Variants in CADM2 observed in about 807,000 individuals in gnomAD.
CADM2 encodes cell adhesion molecule 2, also known as immunoglobulin superfamily member 4D.
In CADM2, 12 loss-of-function variants were observed where a neutral mutation model predicts 49.8. The ratio of observed to expected loss-of-function variants is 0.24; its 90% confidence interval spans 0.15 to 0.39. The LOEUF (loss-of-function observed/expected upper bound fraction) is 0.39. Ranked by LOEUF, CADM2 falls within the 10% of genes least tolerant of loss-of-function variation. CADM2 has a pLI of 1.00. For synonymous variants in CADM2, 214 were observed against 175.4 expected, an observed-to-expected ratio of 1.22 and a Z score of -1.74; for missense variants, 378 against 492.3, an observed-to-expected ratio of 0.77 and a Z score of 2.20.
At chr3:85,721,751 C>G (rs972618601) in intron 1 of CADM2, among the ~76,000 whole-genome samples, 1 of 152,218 alleles carries the variant, frequency 6.6e-6, no homozygotes, top group African/African-American at 2.4e-5. Flanking sequence ...GAATGGGGTG[C>G]TCCCAGGTCT....
intron 8 of CADM2, among the ~76,000 whole-genome samples, chr3:86,057,867 A>T (rs1238163702): frequency 1.3e-5 from 2 of 152,288 alleles, no homozygotes; most frequent in East Asian, 1.9e-4. Context: ...GTGGAAAAAT[A>T]AAATGCTATA....
Position 85,361,145 on chromosome 3 carries a change from A to T in CADM2, c.62-365377A>T, listed in dbSNP as rs561197009. Among the ~76,000 whole-genome samples, 4 of 152,282 alleles carry T rather than the reference A, an allele frequency of 2.6e-5. No individual in the cohort carries two copies. In the East Asian group the frequency reaches 7.7e-4, roughly 29 times the overall value. ...CTCAAAGATAAACTTAGACACATTA[A>T]AATTTTAAAGGGTTTATTTGAGCAT... is the stretch of plus-strand genomic sequence containing the variant. On this transcript the variant is annotated intron_variant, in intron 1 of 9. Transcript: ENST00000383699.
intron 1 of CADM2, among the ~76,000 whole-genome samples, chr3:85,430,676 C>T (rs906859533): frequency 9.0e-6 from 1 of 111,610 alleles, no homozygotes; most frequent in East Asian, 2.3e-4. Context: ...AGGAGAAAGA[C>T]AGAGAAAAGA....
chr3:84,977,631 T>A (rs1485940680), intron 1 of CADM2, among the ~76,000 whole-genome samples: 1 of 152,040 alleles, frequency 6.6e-6, no homozygotes, highest in Non-Finnish European at 1.5e-5. Context: ...TCTCAGATAC[T>A]CCTCTTATTA....
At chr3:85,731,927 C>CT (rs1367155809) in intron 2 of CADM2, among the ~76,000 whole-genome samples, 3 of 151,544 alleles carry the variant, frequency 2.0e-5, no homozygotes, top group African/African-American at 4.9e-5. Flanking sequence ...CACTTAACTA[C>CT]TTTTTTAAAG....
At chr3:85,002,683 T>C (rs1361932260) in intron 1 of CADM2, among the ~76,000 whole-genome samples, 2 of 152,210 alleles carry the variant, frequency 1.3e-5, no homozygotes, top group African/African-American at 2.4e-5. Context: ...CATTTGTTAA[T>C]CTGGGTAGCT....
intron 8 of CADM2, among the ~76,000 whole-genome samples, chr3:86,038,337 G>A (rs968088225): frequency 5.3e-5 from 8 of 152,156 alleles, no homozygotes; most frequent in Non-Finnish European, 7.4e-5. Context: ...AGAAGTTATT[G>A]GAGAGAATCC....
At chr3:85,608,479 A>T (rs1559940428) in intron 1 of CADM2, among the ~76,000 whole-genome samples, 1 of 152,164 alleles carries the variant, frequency 6.6e-6, no homozygotes, top group Non-Finnish European at 1.5e-5. Context: ...GAACCATATT[A>T]CCTGGCTTTT....
At chr3:85,087,805 T>C (rs999743229) in intron 1 of CADM2, among the ~76,000 whole-genome samples, 14 of 152,182 alleles carry the variant, frequency 9.2e-5, no homozygotes, top group Non-Finnish European at 1.9e-4. Flanking sequence ...CCTCCTCATA[T>C]ATTCTTACAC....
intron 1 of CADM2, among the ~76,000 whole-genome samples, chr3:85,393,086 C>A (rs2034597023): frequency 2.2e-5 from 1 of 45,458 alleles, no homozygotes; most frequent in Non-Finnish European, 4.5e-5. Context: ...AAAGTAAACT[C>A]TTTAAAAAAA....
chr3:85,497,000 T>G (rs1194083963), intron 1 of CADM2, among the ~76,000 whole-genome samples: 2 of 146,068 alleles, frequency 1.4e-5, no homozygotes, highest in Non-Finnish European at 3.0e-5. Context: ...TGTGCCGTCA[T>G]GCCCAGCTAA....
chr3:85,629,329 AATAG>A (rs1226160621), intron 1 of CADM2, among the ~76,000 whole-genome samples: 5 of 151,946 alleles, frequency 3.3e-5, no homozygotes, highest in Admixed American at 1.3e-4. Context: ...TACTAAAATA[AATAG>A]ATAGTAAAGT....
At chr3:85,080,835 T>G (rs1458510843) in intron 1 of CADM2, among the ~76,000 whole-genome samples, 1 of 152,068 alleles carries the variant, frequency 6.6e-6, no homozygotes, top group Non-Finnish European at 1.5e-5. Flanking sequence ...CAATTAAAAA[T>G]ATTTTGAAAC....
chr3:85,901,194 C>A (rs1006113366), intron 5 of CADM2, among the ~76,000 whole-genome samples: 6 of 151,822 alleles, frequency 4.0e-5, no homozygotes, highest in Non-Finnish European at 7.4e-5. Flanking sequence ...AACTCCATCT[C>A]AAAAAAAGAA....
chr3:86,046,727 G>A (rs746774882), intron 8 of CADM2, among the ~76,000 whole-genome samples: 2 of 151,966 alleles, frequency 1.3e-5, no homozygotes, highest in African/African-American at 2.4e-5. Flanking sequence ...TTCCTTTTAG[G>A]CAAATGTCAT....
chr3:84,976,168 G>C (rs2107115339), intron 1 of CADM2, among the ~76,000 whole-genome samples: 1 of 151,766 alleles, frequency 6.6e-6, no homozygotes, highest in African/African-American at 2.4e-5. Context: ...TGTGTTATGG[G>C]AATAAAGTGT....
intron 8 of CADM2, among the ~76,000 whole-genome samples, chr3:86,022,873 A>T (rs1733374125): frequency 6.6e-6 from 1 of 152,194 alleles, no homozygotes; most frequent in African/African-American, 2.4e-5. Context: ...CATATGCATA[A>T]ACGTTTGCAG....
At chr3:85,718,816 A>T (rs1018283366) in intron 1 of CADM2, among the ~76,000 whole-genome samples, 1 of 151,128 alleles carries the variant, frequency 6.6e-6, no homozygotes, top group African/African-American at 2.4e-5. Context: ...GTAAAATCTT[A>T]CAATAAAGTT....
intron 8 of CADM2, among the ~76,000 whole-genome samples, chr3:86,040,952 C>T (rs1228769289): frequency 6.6e-6 from 1 of 152,130 alleles, no homozygotes; most frequent in Non-Finnish European, 1.5e-5. Flanking sequence ...AAAGAATTTT[C>T]AACCCAGAAT....
Sources: gnomAD v4.1 joint callset for allele counts (sites outside exome capture counted in the v4.1 genomes callset) on GRCh38, gnomAD v4.1.1 for gene constraint, MANE v1.5 for transcripts, NCBI Gene and HGNC (gene_info 2026-07-23, HGNC 2026-07-21) for gene names.